PCNT: variants seen among roughly 807,000 people sequenced by gnomAD.
PCNT encodes the protein pericentrin.
A neutral mutation model predicts 380.4 loss-of-function variants in PCNT; 319 were observed. The observed-to-expected ratio is 0.84, with a 90% confidence interval of 0.77 to 0.92. The LOEUF (loss-of-function observed/expected upper bound fraction) is 0.92. PCNT is among the 40% of genes least tolerant of loss of function. The pLI is 0.00. For synonymous variants in PCNT, 1,845 were observed against 1,735.2 expected, an observed-to-expected ratio of 1.06 and a Z score of -1.57; for missense variants, 4,400 against 4,255.3, an observed-to-expected ratio of 1.03 and a Z score of -0.95.
rs373633614 is a variant in PCNT, at chr21:46,357,161, T to G, written c.2124T>G (p.His708Gln). ...GAAATTTGTATGGGAAGTTGCAGCA[T>G]GAAACTCGTCTGAAGGACGATTTGG... ...ENRNLYGKLQ[H>Q]ETRLKDDLEK... Residue 708 changes from histidine (H) to glutamine (Q), a missense_variant, in exon 13 of 47, where the codon CAT becomes CAG. By Grantham distance (24) the His-to-Gln change is conservative. Coordinates refer to ENST00000359568, the MANE Select transcript of PCNT (RefSeq NM_006031.6). The G allele has an allele frequency of 9.9e-6, 16 of 1,613,562 alleles. No homozygotes were observed. In the African/African-American group the frequency reaches 2.1e-4, roughly 22 times the overall value.
chr21:46,369,185 T>C (rs2085032113), intron 15 of PCNT, among the ~76,000 whole-genome samples: 1 of 152,260 alleles, frequency 6.6e-6, no homozygotes, highest in African/African-American at 2.4e-5. Flanking sequence ...GGCCTCTGTG[T>C]CCTGTCCTTG....
intron 27 of PCNT, 127 bp from the exon 28 acceptor site, chr21:46,411,062 G>A (rs2086768950): frequency 9.8e-7 from 1 of 1,017,944 alleles, no homozygotes; most frequent in South Asian, 1.3e-5. Context: ...TGCTTCTATG[G>A]CTGCTTTGTT....
chr21:46,393,580 C>T (rs372335055), intron 21 of PCNT, among the ~76,000 whole-genome samples: 81 of 152,314 alleles, frequency 5.3e-4, no homozygotes, highest in African/African-American at 1.8e-3. Context: ...TCACCTCGAG[C>T]CCTTGGACTT....
chr21:46,362,706 G>A (rs1040107481), intron 13 of PCNT, among the ~76,000 whole-genome samples: 6 of 152,038 alleles, frequency 3.9e-5, no homozygotes, highest in African/African-American at 1.4e-4. Flanking sequence ...CACTTTGGGA[G>A]GCTGAGGCTG....
At chr21:46,419,530 C>G (rs2087159919) in intron 31 of PCNT, among the ~76,000 whole-genome samples, 1 of 152,266 alleles carries the variant, frequency 6.6e-6, no homozygotes, top group African/African-American at 2.4e-5. Flanking sequence ...AAGGTTTGCC[C>G]TTAAAGGACG....
rs774010817 is a variant in PCNT, at chr21:46,347,519, G to C, written c.1032+7G>C. 1 of 1,613,736 alleles carries C rather than the reference G, an allele frequency of 6.2e-7. No individual in the cohort carries two copies. The highest frequency in any genetic ancestry group is 1.1e-5 in the South Asian group (1 of 91,068). On this transcript the variant is annotated splice_region_variant and intron_variant, in intron 6 of 46. Coordinates refer to ENST00000359568, the MANE Select transcript of PCNT (RefSeq NM_006031.6). ...AAACGCCCAGATAGTAAAGGTACCCGGGATCGATTCTAAAATGCACGCCTC... is the reference window on the plus strand; with the variant it reads ...AAACGCCCAGATAGTAAAGGTACCCCGGATCGATTCTAAAATGCACGCCTC...
Position 46,416,644 on chromosome 21 carries a change from C to A in PCNT, c.6726C>A (p.Leu2242=). Residue 2242 remains leucine (L), a synonymous_variant, in exon 30 of 47, where the codon CTC becomes CTA. Transcript: ENST00000359568. ...KDWTLEPWPS[L]PVTPHSGALS... ...GGACCCTGGAGCCCTGGCCCAGCCT[C>A]CCCGTGACACCCCACTCAGGAGCCC... The A allele has an allele frequency of 6.4e-7, 1 of 1,565,560 alleles. No individual in the cohort carries two copies. The highest frequency in any genetic ancestry group is 1.4e-5 in the African/African-American group (1 of 73,664).
chr21:46,394,451 C>T (rs766219069), intron 21 of PCNT: 95 of 895,962 alleles, frequency 1.1e-4, no homozygotes, highest in Non-Finnish European at 1.2e-5. Context: ...CTCTCACATT[C>T]TCAGCTGCAC....
chr21:46,338,154 A>G (rs902135441), intron 3 of PCNT, among the ~76,000 whole-genome samples: 2 of 152,132 alleles, frequency 1.3e-5, no homozygotes, highest in Non-Finnish European at 2.9e-5. Context: ...CTGGGATTAC[A>G]GGTGTGAGCC....
At position 46,432,047 on chromosome 21, in the gene PCNT, GGA is replaced by G. The variant is rs751242426; in HGVS notation, c.8593_8594del (p.Arg2865GlyfsTer62). On this transcript the variant is annotated frameshift_variant, in exon 38 of 47. Transcript: ENST00000359568. LOFTEE classifies it high-confidence loss of function. Reference protein sequence around the residue: ...TQKRELRCSLEREREKPAWLQ... With the variant: ...TQKRELRCSLXREREKPAWLQ... Reference sequence around the variant, plus strand: ...AAAAACGAGAGCTGAGATGCTCTCTGGAGAGAGAGAGGGAGAAACCAGCGTGG... The same window carrying G: ...AAAAACGAGAGCTGAGATGCTCTCTGGAGAGAGAGGGAGAAACCAGCGTGG... The G allele has an allele frequency of 9.9e-6, 16 of 1,613,908 alleles. No individual in the cohort carries two copies. The highest frequency in any genetic ancestry group is 7.7e-5 in the South Asian group (7 of 91,078).
rs2086835629 is a variant in PCNT at position 46,412,866 on chromosome 21, G to A, written c.6024G>A (p.Leu2008=). The change falls in exon 29 of 47, where the codon TTG becomes TTA. Residue 2008 remains leucine (L), a synonymous_variant. Transcript: ENST00000359568. ...QGDLQPVLVT[L]KDAPLCKQEG... The stretch of plus-strand genomic sequence containing the variant: ...ATCTGCAGCCTGTCCTGGTGACGTT[G>A]AAGGATGCACCTCTCTGCAAGCAAG... 1 of 1,612,672 alleles carries A rather than the reference G, an allele frequency of 6.2e-7. No individual in the cohort carries two copies.
Position 46,363,910 on chromosome 21 carries a change from T to G in PCNT, c.2585T>G (p.Leu862Arg). 1.9e-6 allele frequency: 3 copies of G among 1,609,968 alleles called. No individual in the cohort carries two copies. Among genetic ancestry groups the G allele is most frequent in the Non-Finnish European group, 2.5e-6 (3 of 1,179,828 alleles). The change falls in exon 14 of 47, where the codon CTG becomes CGG. Residue 862 changes from leucine (L) to arginine (R), a missense_variant. Physicochemically the swap from Leu to Arg is moderately radical, Grantham distance 102. Coordinates refer to ENST00000359568, the MANE Select transcript of PCNT (RefSeq NM_006031.6). ...CTCCACGTGAAGGAAGACTGCGCCC[T>G]GCAGCTGATGCTGGCCCGGAGCAGG... ...AALHVKEDCA[L>R]QLMLARSRFL... is the part of the protein sequence containing the mutation.
intron 15 of PCNT, 48 bp from the exon 16 acceptor site, chr21:46,381,646 G>T: frequency 1.3e-6 from 2 of 1,567,186 alleles, no homozygotes; most frequent in Non-Finnish European, 1.8e-6. Context: ...AGCAAAGAAA[G>T]TATTTTTCTA....
intron 32 of PCNT, among the ~76,000 whole-genome samples, chr21:46,422,643 G>C (rs1370828261): frequency 6.6e-6 from 1 of 152,184 alleles, no homozygotes; most frequent in Non-Finnish European, 1.5e-5. Flanking sequence ...ACAAAAACTT[G>C]GCTAAACAAG....
chr21:46,391,013 G>A (rs2086012328), intron 20 of PCNT, 151 bp from the exon 21 acceptor site: 1 of 1,039,944 alleles, frequency 9.6e-7, no homozygotes, highest in African/African-American at 1.6e-5. Context: ...CGGCCAGCAG[G>A]GCTGTTGGAG....
intron 10 of PCNT, among the ~76,000 whole-genome samples, 180 bp downstream of exon 10, chr21:46,353,506 T>C (rs1478152581): frequency 6.6e-6 from 1 of 152,084 alleles, no homozygotes; most frequent in Non-Finnish European, 1.5e-5. Context: ...GTGGCCTGCA[T>C]GTGTGTGTGC....
intron 15 of PCNT, among the ~76,000 whole-genome samples, chr21:46,379,405 TGAG>T (rs1372791011): frequency 6.6e-6 from 1 of 152,252 alleles, no homozygotes; most frequent in African/African-American, 2.4e-5. Flanking sequence ...TGAACCCTGC[TGAG>T]GTTTGGCTGT....
intron 41 of PCNT, 71 bp downstream of exon 41, chr21:46,438,408 A>G (rs962333568): frequency 7.0e-7 from 1 of 1,422,820 alleles, no homozygotes; most frequent in African/African-American, 1.4e-5. Flanking sequence ...TCCACCCCAC[A>G]AGAGGCCGGG....
chr21:46,379,280 G>T (rs984861333), intron 15 of PCNT, among the ~76,000 whole-genome samples: 2 of 151,948 alleles, frequency 1.3e-5, no homozygotes, highest in Non-Finnish European at 2.9e-5. Context: ...CGTGTCGTGA[G>T]CCGCGCCCGT....
Sources: allele counts gnomAD v4.1 joint callset (sites outside exome capture counted in the v4.1 genomes callset), GRCh38; gene constraint gnomAD v4.1.1; transcripts MANE v1.5; gene names NCBI Gene and HGNC (gene_info 2026-07-23, HGNC 2026-07-21).